Variants in TMEM170A observed in about 807,000 individuals in gnomAD.
TMEM170A encodes the protein transmembrane protein 170A, also known as transmembrane protein 170.
TMEM170A carries 18 observed loss-of-function variants against 12.8 expected under a neutral mutation model. That is an observed-to-expected ratio of 1.41 (90% CI 0.97 to 2.09). The LOEUF (loss-of-function observed/expected upper bound fraction) is 2.09, where lower values mean the gene tolerates loss of function less well. Among genes scored for constraint, TMEM170A ranks in the 30% most tolerant of loss-of-function variants. The pLI, the probability that TMEM170A is intolerant of heterozygous loss-of-function variation, is 0.00. For synonymous variants in TMEM170A, 107 were observed against 76.2 expected, an observed-to-expected ratio of 1.40 and a Z score of -2.11; for missense variants, 220 against 179.9, an observed-to-expected ratio of 1.22 and a Z score of -1.28.
At chr16:75,464,384 G>C (rs2079960688) in intron 1 of TMEM170A, 84 bp downstream of exon 1, 2 of 1,375,504 alleles carry the variant, frequency 1.5e-6, no homozygotes, top group Non-Finnish European at 1.9e-6. Context: ...TGCGCACCCG[G>C]GACCCCGCCC....
intron 1 of TMEM170A, among the ~76,000 whole-genome samples, chr16:75,453,585 T>C (rs933250530): frequency 2.0e-5 from 3 of 152,256 alleles, no homozygotes; most frequent in Admixed American, 1.3e-4. Flanking sequence ...TGGACAGCTA[T>C]ACAATTATAT....
chr16:75,456,272 A>G (rs952814836), intron 1 of TMEM170A, among the ~76,000 whole-genome samples: 1 of 152,110 alleles, frequency 6.6e-6, no homozygotes, highest in African/African-American at 2.4e-5. Context: ...GGATGCCCCA[A>G]TTAGGTCTCA....
intron 1 of TMEM170A, among the ~76,000 whole-genome samples, chr16:75,462,833 C>T (rs1310539365): frequency 1.3e-5 from 2 of 152,048 alleles, no homozygotes; most frequent in Non-Finnish European, 2.9e-5. Flanking sequence ...AAACAAGGCC[C>T]ACACATTAGG....
At position 75,443,262 on chromosome 16, in the gene TMEM170A, T is replaced by C. The variant is rs986011911; in HGVS notation, c.*4296A>G. ...CTCAGAATTGAAAGTAATTTTTTAT[T>C]GATAAACATTTACACTAGAATTAGA... On this transcript the variant is annotated 3_prime_UTR_variant, in exon 3 of 3. Transcript: ENST00000561878. The C allele has an allele frequency of 6.6e-6, 1 of 152,242 alleles. No homozygotes were observed. The highest frequency in any genetic ancestry group is 2.4e-5 in the African/African-American group (1 of 41,470). The allele number at this position is 152,242 out of a possible 1,614,324, so 9.4% of individuals were successfully genotyped here.
chr16:75,461,354 A>G (rs989296616), intron 1 of TMEM170A, among the ~76,000 whole-genome samples: 2 of 152,204 alleles, frequency 1.3e-5, no homozygotes, highest in Non-Finnish European at 2.9e-5. Context: ...GCAACCGGCC[A>G]ATTTAGTCAT....
chr16:75,452,881 T>G (rs1451366647), intron 1 of TMEM170A, among the ~76,000 whole-genome samples: 1 of 152,216 alleles, frequency 6.6e-6, no homozygotes, highest in African/African-American at 2.4e-5. Flanking sequence ...ATAATACTTT[T>G]ATACATACAC....
At chr16:75,450,498 T>C (rs1426010756) in intron 2 of TMEM170A, among the ~76,000 whole-genome samples, 1 of 152,194 alleles carries the variant, frequency 6.6e-6, no homozygotes, top group Non-Finnish European at 1.5e-5. Flanking sequence ...TTCTCATTTC[T>C]GTAACTGTTT....
rs1287381287 is a variant in TMEM170A at position 75,447,105 on chromosome 16, A to G, written c.*453T>C. The G allele has an allele frequency of 6.6e-6, 1 of 152,346 alleles. No homozygotes were observed. The highest frequency in any genetic ancestry group is 2.4e-5 in the African/African-American group (1 of 41,470). 9.4% of individuals were successfully genotyped at this position (152,346 alleles called of 1,614,324 possible). On this transcript the variant is annotated 3_prime_UTR_variant, in exon 3 of 3. Transcript: ENST00000561878. ...TTGGCATTTATTGTCACTAAGATGT[A>G]GCAAAGAAAAGAGTTTGCCAAATTT...
intron 1 of TMEM170A, among the ~76,000 whole-genome samples, chr16:75,463,304 C>A (rs1162740970): frequency 6.6e-6 from 1 of 151,982 alleles, no homozygotes; most frequent in Non-Finnish European, 1.5e-5. Flanking sequence ...TTTTTGATAT[C>A]ACTGTCAAAA....
chr16:75,463,053 G>A (rs58581549), intron 1 of TMEM170A, among the ~76,000 whole-genome samples: 4 of 152,040 alleles, frequency 2.6e-5, no homozygotes, highest in Admixed American at 1.3e-4. Flanking sequence ...TATATATAGA[G>A]AGAGAGAAAG....
chr16:75,464,372 G>A (rs1178566912), intron 1 of TMEM170A, 96 bp downstream of exon 1: 1 of 1,378,840 alleles, frequency 7.3e-7, no homozygotes, highest in African/African-American at 1.5e-5. Flanking sequence ...CCGCCAGCAG[G>A]CTGCGCACCC....
intron 1 of TMEM170A, among the ~76,000 whole-genome samples, chr16:75,461,802 C>T (rs2079913116): frequency 6.6e-6 from 1 of 152,192 alleles, no homozygotes; most frequent in Non-Finnish European, 1.5e-5. Context: ...TGGTAATCGA[C>T]ATCACAAGTT....
intron 1 of TMEM170A, among the ~76,000 whole-genome samples, chr16:75,459,385 T>C (rs1426235856): frequency 2.0e-5 from 3 of 152,114 alleles, no homozygotes; most frequent in African/African-American, 7.2e-5. Context: ...TGGCCCCAAA[T>C]GGCAGCAATG....
chr16:75,463,767 G>A (rs966831429), intron 1 of TMEM170A, among the ~76,000 whole-genome samples: 4 of 152,198 alleles, frequency 2.6e-5, no homozygotes, highest in Admixed American at 6.5e-5. Flanking sequence ...TCAGGGCACG[G>A]AGCGCTCTTC....
At chr16:75,455,434 A>G (rs2079775346) in intron 1 of TMEM170A, among the ~76,000 whole-genome samples, 1 of 152,216 alleles carries the variant, frequency 6.6e-6, no homozygotes, top group Non-Finnish European at 1.5e-5. Context: ...GAAGTAACAA[A>G]AGCCAGTTGC....
chr16:75,448,331 G>C (rs2151626677), intron 2 of TMEM170A, among the ~76,000 whole-genome samples: 1 of 152,252 alleles, frequency 6.6e-6, no homozygotes, highest in South Asian at 2.1e-4. Context: ...TATTACGCTA[G>C]TCACTATAAT....
rs1379588078 is a variant in TMEM170A, at chr16:75,443,111, G to GT, written c.*4446dup. On this transcript the variant is annotated 3_prime_UTR_variant, in exon 3 of 3. Coordinates refer to ENST00000561878, the MANE Select transcript of TMEM170A (RefSeq NM_145254.3). ...TGAACAAGAATTTTATCATAAATTA[G>GT]TAAGAAGTAGAACATAAAAAAAGTT... The GT allele has an allele frequency of 6.6e-6, 1 of 151,986 alleles. No homozygotes were observed. Among genetic ancestry groups the GT allele is most frequent in the Non-Finnish European group, 1.5e-5 (1 of 68,010 alleles). The allele number at this position is 151,986 out of a possible 1,614,324, so 9.4% of individuals were successfully genotyped here. A position where few individuals can be genotyped will look rare whatever the true frequency, so the allele number is the denominator to read the frequency against.
chr16:75,464,678 C>G lies in TMEM170A; in HGVS notation c.-78G>C. The G allele has an allele frequency of 6.6e-7, 1 of 1,509,128 alleles. No homozygotes were observed. The highest frequency in any genetic ancestry group is 1.4e-5 in the African/African-American group (1 of 69,024). 93.5% of individuals were successfully genotyped at this position (1,509,128 alleles called of 1,614,324 possible). A position where few individuals can be genotyped will look rare whatever the true frequency, so the allele number is the denominator to read the frequency against. Reference sequence around the variant, plus strand: ...GCGGCCGGCGCCGACTCACCCTCGCCGCCTCAGCGTCACCTCCAGCCGGGG... The same window carrying G: ...GCGGCCGGCGCCGACTCACCCTCGCGGCCTCAGCGTCACCTCCAGCCGGGG... On this transcript the variant is annotated 5_prime_UTR_variant, in exon 1 of 3. Transcript: ENST00000561878.
intron 2 of TMEM170A, among the ~76,000 whole-genome samples, chr16:75,450,976 T>C (rs2151630790): frequency 6.6e-6 from 1 of 152,240 alleles, no homozygotes; most frequent in African/African-American, 2.4e-5. Context: ...ATTCTTGTCA[T>C]CAAAATTTGT....
Sources: gnomAD v4.1 joint callset for allele counts (sites outside exome capture counted in the v4.1 genomes callset) on GRCh38, gnomAD v4.1.1 for gene constraint, MANE v1.5 for transcripts, NCBI Gene and HGNC (gene_info 2026-07-23, HGNC 2026-07-21) for gene names.